Variants in SLC35A5 observed in about 807,000 individuals in gnomAD.
The protein encoded by SLC35A5 is UDP-sugar transporter protein SLC35A5.
SLC35A5 carries 28 observed loss-of-function variants against 36.3 expected under a neutral mutation model. That is an observed-to-expected ratio of 0.77 (90% CI 0.57 to 1.06). The LOEUF (loss-of-function observed/expected upper bound fraction) is 1.06, where lower values mean the gene tolerates loss of function less well. Ranked by LOEUF, SLC35A5 falls within the 50% of genes least tolerant of loss-of-function variation. The pLI is 0.00. For missense variants in SLC35A5, 521 were observed against 499.3 expected (o/e 1.04, Z -0.41); for synonymous variants, 180 against 173.7 (o/e 1.04, Z -0.29).
At chr3:112,571,056 C>T (rs1934413338) in intron 4 of SLC35A5, among the ~76,000 whole-genome samples, 1 of 152,184 alleles carries the variant, frequency 6.6e-6, no homozygotes, top group African/African-American at 2.4e-5. Context: ...GAAAGTTAAA[C>T]ACTCAATGTA....
intron 4 of SLC35A5, among the ~76,000 whole-genome samples, chr3:112,571,384 T>C (rs1254379974): frequency 6.6e-6 from 1 of 152,260 alleles, no homozygotes; most frequent in Non-Finnish European, 1.5e-5. Flanking sequence ...TCTATTGCCT[T>C]TATTGCCAAA....
At chr3:112,571,939 T>G (rs1347891685) in intron 4 of SLC35A5, among the ~76,000 whole-genome samples, 2 of 133,764 alleles carry the variant, frequency 1.5e-5, no homozygotes, top group African/African-American at 2.8e-5. Flanking sequence ...TTTTTTTTTT[T>G]TTTTTTTTTT....
intron 5 of SLC35A5, among the ~76,000 whole-genome samples, chr3:112,576,223 G>A (rs567888914): frequency 6.6e-6 from 1 of 151,268 alleles, no homozygotes; most frequent in Admixed American, 6.6e-5. Flanking sequence ...CGCCTCCTGG[G>A]TTCAAGTGAT....
intron 2 of SLC35A5, 144 bp from the exon 3 acceptor site, chr3:112,569,026 TC>T: frequency 1.6e-6 from 1 of 632,712 alleles, no homozygotes; most frequent in South Asian, 2.3e-5. Flanking sequence ...GATTAAAAAA[TC>T]CAAAGGAGCA....
rs976381077 is a variant in SLC35A5, at chr3:112,583,797, A to G, written c.*1061A>G. 2.0e-5 allele frequency: 3 copies of G among 152,162 alleles called. No homozygotes were observed. The highest frequency in any genetic ancestry group is 6.6e-5 in the Admixed American group (1 of 15,264). The allele number at this position is 152,162 out of a possible 1,614,324, so 9.4% of individuals were successfully genotyped here. On this transcript the variant is annotated 3_prime_UTR_variant, in exon 7 of 7. Coordinates refer to ENST00000492406, the MANE Select transcript of SLC35A5 (RefSeq NM_017945.5). ...AGTGCTACTTCACACTTAAAAGTGC[A>G]TGGTATTTTTCATGGTATTTTGCAT...
intron 5 of SLC35A5, 64 bp from the exon 6 acceptor site, chr3:112,580,482 T>G: frequency 1.3e-6 from 2 of 1,487,818 alleles, no homozygotes; most frequent in Non-Finnish European, 1.8e-6. Flanking sequence ...GTCTGAGTTT[T>G]CAGTAGAAAC....
chr3:112,581,513 G>A (rs1934927946), intron 6 of SLC35A5, among the ~76,000 whole-genome samples, 187 bp downstream of exon 6: 1 of 152,170 alleles, frequency 6.6e-6, no homozygotes, highest in Non-Finnish European at 1.5e-5. Flanking sequence ...AATGCTGTCA[G>A]GTGTAGAGAA....
Position 112,573,940 on chromosome 3 carries a change from T to C in SLC35A5, c.412T>C (p.Phe138Leu). 1 of 1,613,088 alleles carries C rather than the reference T, an allele frequency of 6.2e-7. No individual in the cohort carries two copies. Among genetic ancestry groups the C allele is most frequent in the Non-Finnish European group, 8.5e-7 (1 of 1,179,140 alleles). Residue 138 changes from phenylalanine to leucine, a missense_variant, in exon 5 of 7, where the codon TTC becomes CTC. Physicochemically the swap from Phe to Leu is conservative, Grantham distance 22. Transcript: ENST00000492406. ...TAGCATTATAACAACAGCTCTTCTA[T>C]TCAGGATAGTGCTGAAGTAAGTAAC... ...NFSIITTALL[F>L]RIVLKRRLNW...
intron 5 of SLC35A5, among the ~76,000 whole-genome samples, chr3:112,580,211 A>C (rs1934841867): frequency 6.6e-6 from 1 of 152,208 alleles, no homozygotes; most frequent in Non-Finnish European, 1.5e-5. Context: ...TCTCTGCTGT[A>C]ACTTTATAGT....
upstream of SLC35A5, chr3:112,561,624 T>A: frequency 7.8e-7 from 1 of 1,275,422 alleles, no homozygotes; most frequent in Non-Finnish European, 1.1e-6. Flanking sequence ...TGCCACCGAC[T>A]CGCATCAGCA....
At chr3:112,576,394 G>A (rs1335617988) in intron 5 of SLC35A5, among the ~76,000 whole-genome samples, 1 of 132,556 alleles carries the variant, frequency 7.5e-6, no homozygotes, top group African/African-American at 2.9e-5. Flanking sequence ...CAAAGTGTTG[G>A]GATTACAGGC....
In SLC35A5 at chr3:112,573,827, T is replaced by C. The variant is rs72940099; in HGVS notation, c.361-62T>C. The C allele has an allele frequency of 1.7e-3, 2,451 of 1,408,062 alleles. 26 individuals carry two copies. In the African/African-American group the frequency reaches 0.031, roughly 18 times the overall value. 87.2% of individuals were successfully genotyped at this position (1,408,062 alleles called of 1,614,324 possible). A position where few individuals can be genotyped will look rare whatever the true frequency, so the allele number is the denominator to read the frequency against. On this transcript the variant is annotated intron_variant, in intron 4 of 6. Coordinates refer to ENST00000492406, the MANE Select transcript of SLC35A5 (RefSeq NM_017945.5). ...TTTTTTGTCAGGTGAACTGCCAAGCTAAGACATTTCTGAGGTCAGTACTTC... is the reference window on the plus strand; with the variant it reads ...TTTTTTGTCAGGTGAACTGCCAAGCCAAGACATTTCTGAGGTCAGTACTTC...
chr3:112,568,967 A>T (rs1380148937), intron 2 of SLC35A5, among the ~76,000 whole-genome samples: 1 of 152,216 alleles, frequency 6.6e-6, no homozygotes, highest in Non-Finnish European at 1.5e-5. Context: ...AAATTCAAGG[A>T]TAATAAAAAG....
chr3:112,561,554 C>T (rs1352531747), upstream of SLC35A5: 1 of 1,601,478 alleles, frequency 6.2e-7, no homozygotes, highest in African/African-American at 1.3e-5. Context: ...GCGGCCGGCC[C>T]CGCGACGGGA....
At chr3:112,573,849 C>A in intron 4 of SLC35A5, 40 bp from the exon 5 acceptor site, 1 of 1,551,600 alleles carries the variant, frequency 6.4e-7, no homozygotes, top group Non-Finnish European at 8.9e-7. Flanking sequence ...GAGGTCAGTA[C>A]TTCATTTGGA....
At position 112,562,151 on chromosome 3, in the gene SLC35A5, C is replaced by T. The variant is rs1183214642; in HGVS notation, c.-142C>T. 7 of 155,574 alleles carry T rather than the reference C, an allele frequency of 4.5e-5. No homozygotes were observed. Among genetic ancestry groups the T allele is most frequent in the Admixed American group, 3.3e-4 (5 of 15,304 alleles). 9.6% of individuals were successfully genotyped at this position (155,574 alleles called of 1,614,324 possible). ...GGCTTAGAGGGAGGGGCTTTTTCGC[C>T]TATACCTACTGTAGCTTCTCCACGT... On this transcript the variant is annotated 5_prime_UTR_variant, in exon 1 of 7. Transcript: ENST00000492406.
In SLC35A5 at chr3:112,584,323, A is replaced by T. The variant is rs147392654; in HGVS notation, c.*1587A>T. 8.3e-4 allele frequency: 127 copies of T among 152,286 alleles called. No individual in the cohort carries two copies. Among genetic ancestry groups the T allele is most frequent in the African/African-American group, 2.8e-3 (118 of 41,564 alleles). The allele number at this position is 152,286 out of a possible 1,614,324, so 9.4% of individuals were successfully genotyped here. ...TTCATCAGTTATGTGAAATACGAAG[A>T]TTATATCTATTATGGCGATTTATTT... On this transcript the variant is annotated 3_prime_UTR_variant, in exon 7 of 7. Transcript: ENST00000492406.
Position 112,581,329 on chromosome 3 carries a change from A to C in SLC35A5, c.1209+3A>C, listed in dbSNP as rs558251158. The C allele has an allele frequency of 6.3e-7, 1 of 1,588,890 alleles. No homozygotes were observed. The highest frequency in any genetic ancestry group is 1.2e-5 in the South Asian group (1 of 86,558). On this transcript the variant is annotated splice_donor_region_variant and intron_variant, in intron 6 of 6. Coordinates refer to ENST00000492406, the MANE Select transcript of SLC35A5 (RefSeq NM_017945.5). ...ATCTTTGGGAGCGTTCCAGTGGGGT[A>C]AGTTTGTGAGGGTGTTCCTTTTTGC...
At position 112,577,448 on chromosome 3, in the gene SLC35A5, A is replaced by T. The variant is rs563666734; in HGVS notation, c.429-3098A>T. The stretch of plus-strand genomic sequence containing the variant: ...AGATTTGTTCTTTGAAGTATAAGCC[A>T]CTGGTTCATGGTAGAAACTGGTAGC... On this transcript the variant is annotated intron_variant, in intron 5 of 6. Coordinates refer to ENST00000492406, the MANE Select transcript of SLC35A5 (RefSeq NM_017945.5). 5.3e-5 allele frequency among the ~76,000 whole-genome samples: 8 copies of T among 152,340 alleles called. No individual in the cohort carries two copies. In the South Asian group the frequency reaches 1.5e-3, roughly 28 times the overall value.
Sources: gnomAD v4.1 joint callset for allele counts (sites outside exome capture counted in the v4.1 genomes callset) on GRCh38, gnomAD v4.1.1 for gene constraint, MANE v1.5 for transcripts, NCBI Gene and HGNC (gene_info 2026-07-23, HGNC 2026-07-21) for gene names.